Variants in AKAP13 observed in about 807,000 individuals in gnomAD.
AKAP13 encodes A-kinase anchoring protein 13.
AKAP13 carries 80 observed loss-of-function variants against 264.5 expected under a neutral mutation model. The ratio of observed to expected loss-of-function variants is 0.30; its 90% CI spans 0.25 to 0.36. The LOEUF (loss-of-function observed/expected upper bound fraction) is 0.36. Among genes scored for constraint, AKAP13 ranks in the 10% least tolerant of loss-of-function variants. The pLI is 1.00. For synonymous variants in AKAP13, 1,380 were observed against 1,250.2 expected (o/e 1.10, Z -2.19); for missense variants, 3,712 against 3,435.2 (o/e 1.08, Z -2.01).
intron 1 of AKAP13, among the ~76,000 whole-genome samples, chr15:85,391,486 CTTT>C (rs759926035): frequency 7.4e-5 from 10 of 135,758 alleles, no homozygotes; most frequent in Admixed American, 7.4e-5. Flanking sequence ...CTTTTCTTTT[CTTT>C]TTTTTTTTTT....
intron 1 of AKAP13, among the ~76,000 whole-genome samples, chr15:85,480,697 T>A (rs1364600014): frequency 6.6e-6 from 1 of 151,868 alleles, no homozygotes; most frequent in Non-Finnish European, 1.5e-5. Context: ...TTCTTCTTAT[T>A]TTTTTTTGAG....
intron 23 of AKAP13, among the ~76,000 whole-genome samples, chr15:85,719,564 A>G (rs1013299165): frequency 1.3e-5 from 2 of 152,120 alleles, no homozygotes; most frequent in East Asian, 1.9e-4. Flanking sequence ...TACCTAATGC[A>G]TATGATAGAT....
chr15:85,575,976 A>T (rs1195312684), intron 6 of AKAP13, among the ~76,000 whole-genome samples: 1 of 152,194 alleles, frequency 6.6e-6, no homozygotes, highest in African/African-American at 2.4e-5. Flanking sequence ...ACAGAGCAAG[A>T]CCTTGTCTCA....
intron 7 of AKAP13, chr15:85,582,828 A>C (rs1223091317): frequency 1.0e-6 from 1 of 980,898 alleles, no homozygotes; most frequent in Non-Finnish European, 1.2e-6. Flanking sequence ...TTTCCGCCCA[A>C]GCCCAGTCTG....
chr15:85,568,009 G>A (rs1224592694), intron 5 of AKAP13, among the ~76,000 whole-genome samples: 2 of 150,962 alleles, frequency 1.3e-5, no homozygotes, highest in African/African-American at 4.9e-5. Context: ...GAGACCAGGC[G>A]CAGTGGCTCA....
At chr15:85,522,800 G>A (rs1221606299) in intron 3 of AKAP13, among the ~76,000 whole-genome samples, 1 of 152,026 alleles carries the variant, frequency 6.6e-6, no homozygotes, top group Non-Finnish European at 1.5e-5. Flanking sequence ...CTTTGGCCCT[G>A]TAGTCCTACC....
At chr15:85,384,961 T>C (rs1047083638) in intron 1 of AKAP13, among the ~76,000 whole-genome samples, 2 of 152,274 alleles carry the variant, frequency 1.3e-5, no homozygotes, top group Non-Finnish European at 2.9e-5. Context: ...GTTCAGTGCC[T>C]GGGGAATGTG....
In AKAP13 at chr15:85,745,551, A is replaced by C. The variant is rs1390585673; in HGVS notation, c.*874A>C. 6.6e-6 allele frequency: 1 copy of C among 152,058 alleles called. No homozygotes were observed. Among genetic ancestry groups the C allele is most frequent in the African/African-American group, 2.4e-5 (1 of 41,368 alleles). The allele number at this position is 152,058 out of a possible 1,614,324, so 9.4% of individuals were successfully genotyped here. A position where few individuals can be genotyped will look rare whatever the true frequency, so the allele number is the denominator to read the frequency against. ...CTCACCATTATCCCTGCAGCGTGACACCTTTTGATTGTCACTGACCACTCA... is the reference window on the plus strand; with the variant it reads ...CTCACCATTATCCCTGCAGCGTGACCCCTTTTGATTGTCACTGACCACTCA... On this transcript the variant is annotated 3_prime_UTR_variant, in exon 37 of 37. Coordinates refer to ENST00000394518, the MANE Select transcript of AKAP13 (RefSeq NM_007200.5).
chr15:85,609,256 C>T (rs1871285), intron 8 of AKAP13, among the ~76,000 whole-genome samples: 30,869 of 152,134 alleles, frequency 0.2, 4,142 homozygotes, highest in Middle Eastern at 0.41. Flanking sequence ...ACCAACCTCT[C>T]CCCATTCTCT....
chr15:85,597,397 C>T (rs1206718056), intron 8 of AKAP13, among the ~76,000 whole-genome samples: 1 of 152,182 alleles, frequency 6.6e-6, no homozygotes, highest in African/African-American at 2.4e-5. Flanking sequence ...CAGAGGCACA[C>T]TGGAAACCTC....
intron 1 of AKAP13, among the ~76,000 whole-genome samples, chr15:85,411,967 A>T (rs558504796): frequency 6.6e-6 from 1 of 152,340 alleles, no homozygotes; most frequent in South Asian, 2.1e-4. Context: ...ACAGCTTTTC[A>T]GTATTTAAAA....
rs1161608095 is a variant in AKAP13, at chr15:85,445,430, A to AT, written c.-11-40274dup. The stretch of plus-strand genomic sequence containing the variant: ...GGAAAGAAAACCCATACATCTTAGG[A>AT]TTTTTTGTAATCATTGATGCATAAA... On this transcript the variant is annotated intron_variant, in intron 1 of 36. Transcript: ENST00000394518. Among the ~76,000 whole-genome samples, 8 of 152,276 alleles carry AT rather than the reference A, an allele frequency of 5.3e-5. No homozygotes were observed. The East Asian group carries it at 1.3e-3, about 26-fold the overall frequency.
intron 1 of AKAP13, among the ~76,000 whole-genome samples, chr15:85,482,598 G>T (rs563850222): frequency 5.3e-5 from 8 of 152,206 alleles, no homozygotes; most frequent in South Asian, 2.1e-4. Flanking sequence ...CTTACGATGT[G>T]GGGGGAAAAA....
At chr15:85,709,700 A>G (rs1045448171) in intron 18 of AKAP13, among the ~76,000 whole-genome samples, 1 of 150,396 alleles carries the variant, frequency 6.6e-6, no homozygotes, top group East Asian at 1.9e-4. Context: ...ATTTTATTTT[A>G]TTTTAGAGAC....
In AKAP13 at chr15:85,655,592, G is replaced by A; in HGVS notation, c.4550G>A (p.Gly1517Glu). Residue 1517 changes from glycine to glutamate, a missense_variant, in exon 11 of 37, where the codon GGA (glycine) becomes GAA (glutamate). Transcript: ENST00000394518. ...GATGGATTCTACAGCCATGGGATGG[G>A]AGCTGAGGGTCGAGAAAGTGAGAGT... The part of the protein sequence containing the change: ...SLDGFYSHGM[G>E]AEGRESESEP... 1.2e-6 allele frequency: 2 copies of A among 1,614,242 alleles called. No homozygotes were observed. Among genetic ancestry groups the A allele is most frequent in the African/African-American group, 1.3e-5 (1 of 75,066 alleles).
rs1339269403 is a variant in AKAP13, at chr15:85,442,427, T to A, written c.-11-43283T>A. 2.4e-3 allele frequency among the ~76,000 whole-genome samples: 296 copies of A among 121,002 alleles called. 5 individuals carry two copies. The highest frequency in any genetic ancestry group is 8.1e-3 in the Middle Eastern group (2 of 248). The allele number at this position is 121,002 out of a possible 152,430, so 79.4% of individuals were successfully genotyped here. ...TCTGTCTCAAAAAAAAAAAAAAATA[T>A]ATATATATATAATATAAAATATACA... On this transcript the variant is annotated intron_variant, in intron 1 of 36. Coordinates refer to ENST00000394518, the MANE Select transcript of AKAP13 (RefSeq NM_007200.5).
chr15:85,531,225 C>T (rs1395940157), intron 3 of AKAP13, among the ~76,000 whole-genome samples: 1 of 152,166 alleles, frequency 6.6e-6, no homozygotes, highest in Non-Finnish European at 1.5e-5. Context: ...ATGGAATGCA[C>T]CACTCCTCTC....
rs1162575077 is a variant in AKAP13 at position 85,707,961 on chromosome 15, T to G, written c.5465-58T>G. ...GGCCACTTGTGGCAGCAGTGGAAACTCAGAATCTGGGATCTGTTTGCTTTG... is the reference window on the plus strand; with the variant it reads ...GGCCACTTGTGGCAGCAGTGGAAACGCAGAATCTGGGATCTGTTTGCTTTG... On this transcript the variant is annotated intron_variant, in intron 17 of 36. Transcript: ENST00000394518. 3 of 1,581,520 alleles carry G rather than the reference T, an allele frequency of 1.9e-6. No homozygotes were observed. In the African/African-American group the frequency reaches 4.0e-5, roughly 21 times the overall value.
At chr15:85,656,191 C>T (rs1319122328) in intron 11 of AKAP13, among the ~76,000 whole-genome samples, 1 of 152,180 alleles carries the variant, frequency 6.6e-6, no homozygotes, top group Non-Finnish European at 1.5e-5. Context: ...TGAAGTCTTA[C>T]AGTCTTAACA....
Sources: allele counts gnomAD v4.1 joint callset (sites outside exome capture counted in the v4.1 genomes callset), GRCh38; gene constraint gnomAD v4.1.1; transcripts MANE v1.5; gene names NCBI Gene and HGNC (gene_info 2026-07-23, HGNC 2026-07-21).